FGD6: variants seen among roughly 807,000 people sequenced by gnomAD.
FGD6 encodes the protein FYVE, RhoGEF and PH domain containing 6.
A neutral mutation model predicts 149.4 loss-of-function variants in FGD6; 90 were observed. The ratio of observed to expected loss-of-function variants is 0.60; its 90% CI spans 0.51 to 0.72. The LOEUF is 0.72. Ranked by LOEUF, FGD6 falls within the 30% of genes least tolerant of loss-of-function variation. FGD6 has a pLI of 0.00. For missense variants in FGD6, 1,437 were observed against 1,684.8 expected (o/e 0.85, Z 2.57); for synonymous variants, 527 against 584.0 (o/e 0.90, Z 1.41).
rs17023760 is a variant in FGD6, at chr12:95,209,322, G to A, written c.1962C>T (p.Leu654=). 0.044 allele frequency: 70,385 copies of A among 1,613,486 alleles called. 2,182 individuals carry two copies. The highest frequency in any genetic ancestry group is 0.14 in the Middle Eastern group (838 of 6,056). The stretch of plus-strand genomic sequence containing the variant: ...AGAGGTGGCCTGTGGTGGTGTCTCC[G>A]AGTTGGCTACTCTTGGACCAAAATT... The part of the protein sequence containing the change: ...FQKFWSKSSQ[L]GDTTTGHLSS... Residue 654 remains leucine, a synonymous_variant, in exon 2 of 21, where the codon CTC becomes CTT. Transcript: ENST00000343958.
chr12:95,155,396 C>T lies in FGD6; in HGVS notation c.2587-2403G>A, dbSNP rs181222402. Reference sequence around the variant, plus strand: ...ACAAAAAATTAGCTGGGTGTGGTGGCGCATGCCTGTAGTCCCAGCTACTCG... The same window carrying T: ...ACAAAAAATTAGCTGGGTGTGGTGGTGCATGCCTGTAGTCCCAGCTACTCG... On this transcript the variant is annotated intron_variant, in intron 3 of 20. Coordinates refer to ENST00000343958, the MANE Select transcript of FGD6 (RefSeq NM_018351.4). Among the ~76,000 whole-genome samples, 569 of 152,104 alleles carry T rather than the reference C, an allele frequency of 3.7e-3. 3 individuals are homozygous for T. Among genetic ancestry groups the T allele is most frequent in the African/African-American group, 0.012 (480 of 41,500 alleles).
At chr12:95,110,383 G>C (rs1878778880) in intron 9 of FGD6, among the ~76,000 whole-genome samples, 1 of 142,082 alleles carries the variant, frequency 7.0e-6, no homozygotes, top group Non-Finnish European at 1.5e-5. Context: ...TTTTGAGACA[G>C]TCTTGCTCTG....
chr12:95,085,611 A>G, intron 19 of FGD6, 169 bp downstream of exon 19: 1 of 675,068 alleles, frequency 1.5e-6, no homozygotes, highest in South Asian at 2.7e-5. Flanking sequence ...CTCTCCAGGT[A>G]CAAAGCAAGA....
chr12:95,208,753 GT>G (rs35425363), intron 2 of FGD6, 89 bp downstream of exon 2: 113 of 1,424,992 alleles, frequency 7.9e-5, no homozygotes, highest in Middle Eastern at 2.6e-4. Context: ...TCAACCACGT[GT>G]TTTTTTTCCC....
At chr12:95,182,254 G>A (rs1431503711) in intron 2 of FGD6, among the ~76,000 whole-genome samples, 1 of 147,486 alleles carries the variant, frequency 6.8e-6, no homozygotes, top group African/African-American at 2.5e-5. Flanking sequence ...GGAAGCTGGA[G>A]TGTAGTGGCA....
chr12:95,081,574 C>A lies in FGD6; in HGVS notation c.4257-18G>T, dbSNP rs765324635. 5.7e-6 allele frequency: 9 copies of A among 1,592,288 alleles called. No individual in the cohort carries two copies. The highest frequency in any genetic ancestry group is 7.7e-6 in the Non-Finnish European group (9 of 1,167,898). ...CTATCCACCTATTGATAAGAGAAAT[C>A]GGTTAGATTTGTAAAACCTAATCAT... On this transcript the variant is annotated intron_variant, in intron 20 of 20. Coordinates refer to ENST00000343958, the MANE Select transcript of FGD6 (RefSeq NM_018351.4).
chr12:95,148,614 ATT>A (rs1381984463), intron 5 of FGD6, among the ~76,000 whole-genome samples: 1 of 130,488 alleles, frequency 7.7e-6, no homozygotes, highest in African/African-American at 2.9e-5. Flanking sequence ...TGTTATATAT[ATT>A]ATATAATACA....
rs868629571 is a variant in FGD6, at chr12:95,141,395, A to C, written c.2830T>G (p.Leu944Val). Residue 944 changes from leucine (L) to valine (V), a missense_variant, in exon 6 of 21, where the codon TTG becomes GTG. Transcript: ENST00000343958. ...AAAACGGTCCATTTTTACCAGTGCA[A>C]CATTCTTTCCTCCAGTTCCTTCAAG... ...DLLKELEERM[L>V]HWTEQQRIAD... The C allele has an allele frequency of 1.2e-6, 2 of 1,613,972 alleles. No homozygotes were observed. The highest frequency in any genetic ancestry group is 2.2e-5 in the East Asian group (1 of 44,870).
chr12:95,108,632 A>G, intron 9 of FGD6, 71 bp from the exon 10 acceptor site: 1 of 1,549,344 alleles, frequency 6.5e-7, no homozygotes, highest in Non-Finnish European at 8.9e-7. Context: ...ACATTAAGCA[A>G]TTCCAGGGGA....
chr12:95,086,536 CTTTTTTT>C (rs1010739533), intron 18 of FGD6, among the ~76,000 whole-genome samples: 2 of 105,756 alleles, frequency 1.9e-5, no homozygotes, highest in Non-Finnish European at 4.0e-5. Flanking sequence ...TTTTTTTTTT[CTTTTTTT>C]TTTTTTTTTT....
chr12:95,200,800 T>C (rs2056654103), intron 2 of FGD6, among the ~76,000 whole-genome samples: 1 of 152,248 alleles, frequency 6.6e-6, no homozygotes, highest in South Asian at 2.1e-4. Context: ...CGAACACAAT[T>C]ACCAGAAGCA....
chr12:95,121,827 T>G (rs1879200339), intron 8 of FGD6, among the ~76,000 whole-genome samples: 1 of 152,090 alleles, frequency 6.6e-6, no homozygotes, highest in African/African-American at 2.4e-5. Flanking sequence ...AGCTAATTTT[T>G]GTACTTTTAG....
chr12:95,161,445 G>A (rs371853075), intron 3 of FGD6, among the ~76,000 whole-genome samples: 5 of 151,214 alleles, frequency 3.3e-5, no homozygotes, highest in Admixed American at 2.0e-4. Flanking sequence ...GCAGTGAGCC[G>A]AGATCACACC....
intron 14 of FGD6, among the ~76,000 whole-genome samples, chr12:95,103,689 C>T (rs1378802813): frequency 1.3e-5 from 2 of 152,142 alleles, no homozygotes; most frequent in Non-Finnish European, 2.9e-5. Context: ...CACATGCCAC[C>T]ATGTCTGGCT....
At chr12:95,186,107 CAAAT>C (rs1881421416) in intron 2 of FGD6, among the ~76,000 whole-genome samples, 1 of 150,392 alleles carries the variant, frequency 6.6e-6, no homozygotes, top group African/African-American at 2.4e-5. Context: ...AATGTATTAA[CAAAT>C]GAATGGATTC....
chr12:95,160,053 C>T (rs1221143249), intron 3 of FGD6, among the ~76,000 whole-genome samples: 1 of 150,098 alleles, frequency 6.7e-6, no homozygotes, highest in Non-Finnish European at 1.5e-5. Flanking sequence ...CAATATAACT[C>T]AAACAAAAAG....
At chr12:95,172,885 G>C (rs1881035200) in intron 2 of FGD6, 141 bp from the exon 3 acceptor site, 1 of 652,052 alleles carries the variant, frequency 1.5e-6, no homozygotes, top group Non-Finnish European at 2.3e-6. Flanking sequence ...ACCCAGATCA[G>C]CCAACTTTCC....
intron 8 of FGD6, among the ~76,000 whole-genome samples, chr12:95,125,409 G>C (rs1879305772): frequency 6.6e-6 from 1 of 152,130 alleles, no homozygotes; most frequent in South Asian, 2.1e-4. Context: ...GAGGTGGAAG[G>C]ATCCCCTGAA....
intron 2 of FGD6, among the ~76,000 whole-genome samples, chr12:95,186,228 CTTTTTTTTTTTTTTTT>C (rs1174763781): frequency 2.1e-3 from 83 of 38,978 alleles, no homozygotes; most frequent in Non-Finnish European, 3.5e-3. Context: ...TATTCTTCTT[CTTTTTTTTTTTTTTTT>C]TTTTTTTTTT....
Sources: gnomAD v4.1 joint callset for allele counts (sites outside exome capture counted in the v4.1 genomes callset) on GRCh38, gnomAD v4.1.1 for gene constraint, MANE v1.5 for transcripts, NCBI Gene and HGNC (gene_info 2026-07-23, HGNC 2026-07-21) for gene names.